IQSEC1: variants seen among roughly 807,000 people sequenced by gnomAD.
The protein encoded by IQSEC1 is IQ motif and SEC7 domain-containing protein 1.
A neutral mutation model predicts 91.0 loss-of-function variants in IQSEC1; 31 were observed. The ratio of observed to expected loss-of-function variants is 0.34; its 90% CI spans 0.26 to 0.46. The LOEUF is 0.46. Ranked by LOEUF, IQSEC1 falls within the 20% of genes least tolerant of loss-of-function variation. The pLI, the probability that IQSEC1 is intolerant of heterozygous loss-of-function variation, is 1.00. For missense variants in IQSEC1, 1,388 were observed against 1,575.6 expected, an observed-to-expected ratio of 0.88 and a Z score of 2.02; for synonymous variants, 699 against 662.6, an observed-to-expected ratio of 1.05 and a Z score of -0.84.
intron 1 of IQSEC1, among the ~76,000 whole-genome samples, chr3:12,978,278 T>C (rs1292584169): frequency 6.6e-6 from 1 of 152,206 alleles, no homozygotes; most frequent in East Asian, 1.9e-4. Flanking sequence ...CCTGTGTTCC[T>C]TGCACTCCAA....
intron 1 of IQSEC1, among the ~76,000 whole-genome samples, chr3:13,173,564 G>C (rs576471195): frequency 6.7e-4 from 102 of 152,314 alleles, no homozygotes; most frequent in Non-Finnish European, 1.2e-3. Context: ...GAGGCCCTTG[G>C]ACAAACCCTG....
At chr3:13,237,205 G>A (rs868748610) in intron 1 of IQSEC1, among the ~76,000 whole-genome samples, 2 of 152,218 alleles carry the variant, frequency 1.3e-5, no homozygotes, top group East Asian at 1.9e-4. Flanking sequence ...TCTGAAAACC[G>A]TGGCCATGGA....
chr3:13,188,247 T>C (rs562942519), intron 1 of IQSEC1, among the ~76,000 whole-genome samples: 80 of 152,264 alleles, frequency 5.3e-4, no homozygotes, highest in African/African-American at 1.8e-3. Context: ...TCCTGACCAT[T>C]TTCCTCCAGG....
chr3:13,089,615 C>T (rs12487253), intron 2 of IQSEC1, among the ~76,000 whole-genome samples: 50,630 of 151,966 alleles, frequency 0.33, 8,686 homozygotes, highest in Middle Eastern at 0.56. Context: ...AATGAAGTAC[C>T]GATATATGTG....
At chr3:13,255,034 G>A (rs1235563526) in intron 1 of IQSEC1, among the ~76,000 whole-genome samples, 3 of 152,240 alleles carry the variant, frequency 2.0e-5, no homozygotes, top group Admixed American at 6.5e-5. Context: ...TGGCAGGAAC[G>A]TCTGGAAGAC....
intron 1 of IQSEC1, among the ~76,000 whole-genome samples, chr3:13,250,299 C>A (rs1364468844): frequency 2.6e-5 from 4 of 152,128 alleles, no homozygotes; most frequent in African/African-American, 9.7e-5. Context: ...AAGCATCGAC[C>A]CTGTGTGGGA....
intron 1 of IQSEC1, among the ~76,000 whole-genome samples, chr3:13,072,512 T>A (rs465248): frequency 0.51 from 77,939 of 152,108 alleles, 20,220 homozygotes; most frequent in East Asian, 0.65. Context: ...CACTGATGCC[T>A]CCGTGCTAGG....
At chr3:13,071,973 C>T (rs906083188) in intron 1 of IQSEC1, among the ~76,000 whole-genome samples, 1 of 152,252 alleles carries the variant, frequency 6.6e-6, no homozygotes, top group Non-Finnish European at 1.5e-5. Context: ...GGGGAGCTGC[C>T]ACTCTATCAG....
In IQSEC1 at chr3:13,103,564, G is replaced by A. The variant is rs2124837998; in HGVS notation, c.303-56042C>T. Among the ~76,000 whole-genome samples, 1 of 152,238 alleles carries A rather than the reference G, an allele frequency of 6.6e-6. No homozygotes were observed. Among genetic ancestry groups the A allele is most frequent in the South Asian group, 2.1e-4 (1 of 4,824 alleles). ...CATGAGGAAAACCAAGAATCAGGGAGGCCAAGCAGCAGCTGGCAAGAGCCA... is the reference window on the plus strand; with the variant it reads ...CATGAGGAAAACCAAGAATCAGGGAAGCCAAGCAGCAGCTGGCAAGAGCCA... On this transcript the variant is annotated intron_variant, in intron 2 of 15. Transcript: ENST00000648114. The surrounding 1 kb of genome is among the most constrained non-coding windows in gnomAD (Gnocchi z 4.1).
chr3:13,171,118 A>C (rs929765022), intron 1 of IQSEC1, among the ~76,000 whole-genome samples: 1 of 151,912 alleles, frequency 6.6e-6, no homozygotes, highest in African/African-American at 2.4e-5. Flanking sequence ...AAAAAAAACA[A>C]AAAAAGAAAG....
In IQSEC1 at chr3:13,201,735, C is replaced by A. The variant is rs1025761472; in HGVS notation, c.273-37602G>T. On this transcript the variant is annotated intron_variant, in intron 1 of 15. Coordinates refer to the IQSEC1 transcript ENST00000648114. ...TCCTGGAGAGAAGCACTACATTTTCCCCCATGATTCAAGACCAAAGCTTTG... is the reference window on the plus strand; with the variant it reads ...TCCTGGAGAGAAGCACTACATTTTCACCCATGATTCAAGACCAAAGCTTTG... 3.9e-5 allele frequency among the ~76,000 whole-genome samples: 6 copies of A among 152,178 alleles called. No homozygotes were observed. The South Asian group carries it at 1.2e-3, about 32-fold the overall frequency.
chr3:13,065,723 C>T (rs1705208554), intron 1 of IQSEC1, among the ~76,000 whole-genome samples: 1 of 152,190 alleles, frequency 6.6e-6, no homozygotes, highest in Non-Finnish European at 1.5e-5. Flanking sequence ...ACCCAGCAAT[C>T]CCACTTCTGA....
intron 2 of IQSEC1, among the ~76,000 whole-genome samples, chr3:13,120,290 C>T (rs1706402459): frequency 6.6e-6 from 1 of 152,144 alleles, no homozygotes; most frequent in African/African-American, 2.4e-5. Flanking sequence ...TGTCATTGCC[C>T]CCAGTTTACA....
At position 12,899,663 on chromosome 3, in the gene IQSEC1, A is replaced by G. The variant is rs1247480829; in HGVS notation, c.*1320T>C. The G allele has an allele frequency of 6.1e-6, 6 of 985,316 alleles. No individual in the cohort carries two copies. The highest frequency in any genetic ancestry group is 1.7e-5 in the African/African-American group (1 of 57,236). The allele number at this position is 985,316 out of a possible 1,614,324, so 61.0% of individuals were successfully genotyped here. A position where few individuals can be genotyped will look rare whatever the true frequency, so the allele number is the denominator to read the frequency against. ...GAGGACACAGGGGTTCTGCTAGCAC[A>G]TGGCTACATGGAATTACGGTGATCA... On this transcript the variant is annotated 3_prime_UTR_variant, in exon 14 of 14. Coordinates refer to ENST00000613206, the MANE Select transcript of IQSEC1 (RefSeq NM_001134382.3).
At chr3:12,902,174 G>C (rs960494292) in intron 13 of IQSEC1, among the ~76,000 whole-genome samples, 7 of 152,206 alleles carry the variant, frequency 4.6e-5, no homozygotes, top group Non-Finnish European at 8.8e-5. Context: ...GATGTGAACA[G>C]TAATACAGAG....
At chr3:13,040,385 T>C (rs4684901) in intron 1 of IQSEC1, among the ~76,000 whole-genome samples, 107,520 of 152,176 alleles carry the variant, frequency 0.71, 38,696 homozygotes, top group South Asian at 0.86. Context: ...AGGTTGGGAG[T>C]TCCTCAAGGA....
intron 2 of IQSEC1, among the ~76,000 whole-genome samples, chr3:13,135,290 A>G (rs997704684): frequency 6.6e-6 from 1 of 152,214 alleles, no homozygotes; most frequent in Non-Finnish European, 1.5e-5. Flanking sequence ...CATGGTCTAA[A>G]GGGATTGTCC....
chr3:13,116,722 G>A (rs1451820323), intron 2 of IQSEC1, among the ~76,000 whole-genome samples: 1 of 152,110 alleles, frequency 6.6e-6, no homozygotes, highest in Non-Finnish European at 1.5e-5. Context: ...CCAACATGGT[G>A]AAACCGTCTC....
At chr3:13,060,182 G>T (rs1431999708) in intron 1 of IQSEC1, among the ~76,000 whole-genome samples, 2 of 152,212 alleles carry the variant, frequency 1.3e-5, no homozygotes, top group Non-Finnish European at 2.9e-5. Flanking sequence ...AGGTAAAGGG[G>T]TTGTCTGCAG....
Sources: gnomAD v4.1 joint callset for allele counts (sites outside exome capture counted in the v4.1 genomes callset) on GRCh38, gnomAD v4.1.1 for gene constraint, Gnocchi (gnomAD v3.1) non-coding constraint, MANE v1.5 for transcripts, NCBI Gene and HGNC (gene_info 2026-07-23, HGNC 2026-07-21) for gene names.